Variants in AFAP1 observed in about 807,000 individuals in gnomAD.
The protein encoded by AFAP1 is actin filament associated protein 1.
A neutral mutation model predicts 93.9 loss-of-function variants in AFAP1; 75 were observed. That is an observed-to-expected ratio of 0.80 (90% CI 0.66 to 0.97). AFAP1 has a LOEUF of 0.97. Among genes scored for constraint, AFAP1 ranks in the 50% least tolerant of loss-of-function variants. AFAP1 has a pLI of 0.00. For missense variants in AFAP1, 1,201 were observed against 1,050.8 expected (o/e 1.14, Z -1.98); for synonymous variants, 517 against 430.7 (o/e 1.20, Z -2.48).
At chr4:7,887,297 T>G (rs1030651754) in intron 1 of AFAP1, among the ~76,000 whole-genome samples, 16 of 152,028 alleles carry the variant, frequency 1.1e-4, no homozygotes, top group African/African-American at 3.9e-4. Context: ...CTGCAAAATA[T>G]TTGGGTATCT....
chr4:7,872,192 G>C (rs1456607511), intron 1 of AFAP1, 112 bp from the exon 2 acceptor site: 11 of 1,371,990 alleles, frequency 8.0e-6, no homozygotes, highest in Middle Eastern at 2.1e-4. Flanking sequence ...ATTGGATATA[G>C]TATTCTGACC....
chr4:7,844,063 C>T (rs972686147), intron 4 of AFAP1, among the ~76,000 whole-genome samples: 4 of 152,146 alleles, frequency 2.6e-5, no homozygotes, highest in African/African-American at 9.7e-5. Context: ...GGTAAATGCT[C>T]TCATCTTTTG....
intron 1 of AFAP1, among the ~76,000 whole-genome samples, chr4:7,887,218 A>G (rs184332723): frequency 6.6e-6 from 1 of 152,330 alleles, no homozygotes; most frequent in African/African-American, 2.4e-5. Context: ...GAAAGAGGAA[A>G]TGCAAATTTA....
intron 6 of AFAP1, among the ~76,000 whole-genome samples, chr4:7,837,244 A>G (rs1214985365): frequency 6.6e-6 from 1 of 152,232 alleles, no homozygotes; most frequent in Non-Finnish European, 1.5e-5. Context: ...CACTACTGCC[A>G]TGGACGGAAT....
chr4:7,794,017 C>T (rs1577215662), intron 10 of AFAP1, among the ~76,000 whole-genome samples, 191 bp from the exon 11 acceptor site: 2 of 152,352 alleles, frequency 1.3e-5, no homozygotes, highest in East Asian at 3.9e-4. Context: ...TAGGAAGTGT[C>T]ATCCCGATTA....
At chr4:7,789,569 T>C (rs1198666475) in intron 11 of AFAP1, among the ~76,000 whole-genome samples, 1 of 127,132 alleles carries the variant, frequency 7.9e-6, no homozygotes, top group East Asian at 2.1e-4. Context: ...ATCCCATCCG[T>C]GCATCTCCCC....
chr4:7,938,120 G>C (rs1288293678), intron 1 of AFAP1, among the ~76,000 whole-genome samples: 2 of 152,156 alleles, frequency 1.3e-5, no homozygotes, highest in African/African-American at 2.4e-5. Context: ...CCTCAACAGA[G>C]TCCATAGCAA....
intron 9 of AFAP1, 24 bp downstream of exon 9, chr4:7,809,590 C>A (rs377311800): frequency 1.7e-5 from 28 of 1,603,822 alleles, no homozygotes; most frequent in Non-Finnish European, 2.0e-5. Context: ...GCACGCTGCT[C>A]GTCTCCGGGA....
intron 3 of AFAP1, among the ~76,000 whole-genome samples, chr4:7,863,966 T>C (rs367990325): frequency 0.074 from 6,296 of 85,376 alleles, 10 homozygotes; most frequent in South Asian, 0.14. Flanking sequence ...CAACTTCCCA[T>C]CACAACCCAT....
intron 8 of AFAP1, among the ~76,000 whole-genome samples, chr4:7,815,262 G>C (rs1028579088): frequency 6.8e-6 from 1 of 147,118 alleles, no homozygotes; most frequent in African/African-American, 2.5e-5. Flanking sequence ...GGAGGGAATG[G>C]GGAGTCAGTG....
At chr4:7,819,681 G>T (rs1417051616) in intron 6 of AFAP1, among the ~76,000 whole-genome samples, 2 of 152,180 alleles carry the variant, frequency 1.3e-5, no homozygotes, top group African/African-American at 2.4e-5. Context: ...ATAACCCGGA[G>T]TGCAAACTGG....
chr4:7,813,077 G>A (rs546570622), intron 8 of AFAP1, among the ~76,000 whole-genome samples: 1 of 152,248 alleles, frequency 6.6e-6, no homozygotes, highest in Admixed American at 6.5e-5. Flanking sequence ...CGTTCCCTGT[G>A]GCTTTGACCG....
rs749276694 is a variant in AFAP1, at chr4:7,809,609, C to A, written c.1054+5G>T. 1 of 1,611,624 alleles carries A rather than the reference C, an allele frequency of 6.2e-7. No homozygotes were observed. Among genetic ancestry groups the A allele is most frequent in the South Asian group, 1.1e-5 (1 of 90,302 alleles). ...GCTGCTCGTCTCCGGGAAGCGCAGT[C>A]TTACCGCAGGTGGGAACATCTTCCT... On this transcript the variant is annotated splice_donor_5th_base_variant and intron_variant, in intron 9 of 17. Coordinates refer to ENST00000420658, the MANE Select transcript of AFAP1 (RefSeq NM_001134647.2).
intron 1 of AFAP1, among the ~76,000 whole-genome samples, chr4:7,894,745 T>C (rs1306034830): frequency 6.6e-6 from 1 of 152,126 alleles, no homozygotes; most frequent in African/African-American, 2.4e-5. Flanking sequence ...GAAATGAGGC[T>C]CTTGCGTTAT....
intron 17 of AFAP1, among the ~76,000 whole-genome samples, chr4:7,766,330 C>G (rs1714570983): frequency 5.3e-5 from 8 of 152,174 alleles, no homozygotes; most frequent in Admixed American, 5.2e-4. Context: ...CAAGGGCAGT[C>G]CTCTGTTGTA....
At chr4:7,828,679 T>C (rs1428495641) in intron 6 of AFAP1, among the ~76,000 whole-genome samples, 10 of 152,252 alleles carry the variant, frequency 6.6e-5, no homozygotes, top group Non-Finnish European at 1.5e-4. Context: ...GTGAACACTC[T>C]GTCTTAGCAT....
chr4:7,863,243 C>A (rs1032800018), intron 3 of AFAP1, among the ~76,000 whole-genome samples: 2 of 152,072 alleles, frequency 1.3e-5, no homozygotes, highest in Non-Finnish European at 2.9e-5. Flanking sequence ...TGGTGAAAAC[C>A]CTGTCTCTAT....
At chr4:7,902,747 G>T (rs1719186724) in intron 1 of AFAP1, among the ~76,000 whole-genome samples, 2 of 152,186 alleles carry the variant, frequency 1.3e-5, no homozygotes, top group Admixed American at 1.3e-4. Flanking sequence ...TAGCAGTAAG[G>T]CAGGGAGTGC....
At chr4:7,864,761 A>T (rs1716216041) in intron 3 of AFAP1, among the ~76,000 whole-genome samples, 1 of 152,246 alleles carries the variant, frequency 6.6e-6, no homozygotes, top group Non-Finnish European at 1.5e-5. Context: ...AACCAATGAA[A>T]AAAATGAGTG....
Sources: allele counts gnomAD v4.1 joint callset (sites outside exome capture counted in the v4.1 genomes callset), GRCh38; gene constraint gnomAD v4.1.1; transcripts MANE v1.5; gene names NCBI Gene and HGNC (gene_info 2026-07-23, HGNC 2026-07-21).